The following NCKAP5 variants were observed in gnomAD, a reference collection of about 807,000 sequenced individuals.
The protein encoded by NCKAP5 is nck-associated protein 5.
Under a neutral mutation model 167.0 loss-of-function variants are expected in NCKAP5, and 92 were observed. That is an observed-to-expected ratio of 0.55 (90% CI 0.47 to 0.66). The LOEUF is 0.66. NCKAP5 is among the 30% of genes least tolerant of loss of function. The probability of loss-of-function intolerance (pLI) is 0.00; values close to 1 mark genes in which losing one functional copy is unlikely to be tolerated. For missense variants in NCKAP5, 2,378 were observed against 2,315.0 expected, an observed-to-expected ratio of 1.03 and a Z score of -0.56; for synonymous variants, 891 against 877.4, an observed-to-expected ratio of 1.02 and a Z score of -0.27.
chr2:133,654,996 T>C, the NCKAP5 span, among the ~76,000 whole-genome samples: 2 of 152,230 alleles, frequency 1.3e-5, no homozygotes, highest in African/African-American at 4.8e-5. Flanking sequence ...GCTTCAATTA[T>C]AGGCAAACAT....
At chr2:133,161,236 C>A (rs56029142) in intron 5 of NCKAP5, among the ~76,000 whole-genome samples, 1 of 151,980 alleles carries the variant, frequency 6.6e-6, no homozygotes, top group Non-Finnish European at 1.5e-5. Context: ...TTGTCTTCCA[C>A]GAAACTGGTC....
chr2:133,073,584 C>A (rs1040025922), intron 6 of NCKAP5, among the ~76,000 whole-genome samples: 12 of 152,178 alleles, frequency 7.9e-5, no homozygotes, highest in African/African-American at 2.9e-4. Context: ...AACTCATGTT[C>A]TAAGCCTAAC....
chr2:133,299,607 C>T (rs1574638844), intron 4 of NCKAP5, among the ~76,000 whole-genome samples: 1 of 152,170 alleles, frequency 6.6e-6, no homozygotes, highest in South Asian at 2.1e-4. Context: ...AAAAATTAGC[C>T]GAGTGTGGCG....
chr2:133,324,579 A>G (rs933443520), intron 3 of NCKAP5, among the ~76,000 whole-genome samples: 1 of 152,206 alleles, frequency 6.6e-6, no homozygotes, highest in East Asian at 1.9e-4. Flanking sequence ...AATTTCCTCT[A>G]AAGTTTTCAC....
At chr2:132,822,240 A>T (rs1443489942) in intron 11 of NCKAP5, among the ~76,000 whole-genome samples, 2 of 152,192 alleles carry the variant, frequency 1.3e-5, no homozygotes, top group Non-Finnish European at 2.9e-5. Context: ...TGCTAGCATA[A>T]CCAGTATTCA....
intron 3 of NCKAP5, among the ~76,000 whole-genome samples, chr2:133,415,108 T>A (rs1039641895): frequency 6.6e-5 from 10 of 152,220 alleles, no homozygotes; most frequent in African/African-American, 2.4e-4. Context: ...GTTACTCAGG[T>A]TAGCTCAACC....
intron 3 of NCKAP5, among the ~76,000 whole-genome samples, chr2:133,436,800 A>C (rs1050541907): frequency 1.9e-4 from 29 of 152,156 alleles, no homozygotes; most frequent in African/African-American, 7.0e-4. Context: ...CGTGTATGTT[A>C]ACATGGGTGC....
chr2:133,515,690 C>A (rs935254211), intron 3 of NCKAP5, among the ~76,000 whole-genome samples: 2 of 152,196 alleles, frequency 1.3e-5, no homozygotes, highest in South Asian at 2.1e-4. Context: ...TTTACTTATG[C>A]CCATTTTCAA....
At chr2:133,471,492 A>T (rs1203745107) in intron 3 of NCKAP5, among the ~76,000 whole-genome samples, 1 of 152,072 alleles carries the variant, frequency 6.6e-6, no homozygotes. Context: ...TGCTAGAGCC[A>T]TTGCTAGGTT....
intron 5 of NCKAP5, among the ~76,000 whole-genome samples, chr2:133,154,002 T>G (rs2083479119): frequency 6.6e-6 from 1 of 151,776 alleles, no homozygotes; most frequent in African/African-American, 2.4e-5. Context: ...CCACCACACC[T>G]GGCTAACTTT....
the NCKAP5 span, among the ~76,000 whole-genome samples, chr2:133,627,239 G>A: frequency 6.6e-6 from 1 of 151,980 alleles, no homozygotes; most frequent in Non-Finnish European, 1.5e-5. Flanking sequence ...AGGAAAATGG[G>A]TATAAAAATG....
At chr2:133,107,784 T>C (rs982659583) in intron 6 of NCKAP5, among the ~76,000 whole-genome samples, 2 of 152,256 alleles carry the variant, frequency 1.3e-5, no homozygotes, top group African/African-American at 4.8e-5. Context: ...TAAATGGTTT[T>C]GTTGGGAATC....
At chr2:132,992,251 T>C (rs1053964618) in intron 7 of NCKAP5, among the ~76,000 whole-genome samples, 2 of 152,202 alleles carry the variant, frequency 1.3e-5, no homozygotes, top group African/African-American at 4.8e-5. Context: ...CCAAAACGAA[T>C]AGACTGGGTT....
chr2:132,819,716 G>C (rs559905094), intron 11 of NCKAP5, among the ~76,000 whole-genome samples: 1 of 151,890 alleles, frequency 6.6e-6, no homozygotes, highest in South Asian at 2.1e-4. Context: ...AAAATTTAAA[G>C]AGGGAATGAG....
intron 3 of NCKAP5, among the ~76,000 whole-genome samples, chr2:133,382,366 C>T (rs184441764): frequency 6.6e-6 from 1 of 152,268 alleles, no homozygotes; most frequent in Admixed American, 6.5e-5. Flanking sequence ...CACACAGTAC[C>T]TAGAGTGACT....
chr2:132,959,511 T>C (rs1489769845), intron 8 of NCKAP5, among the ~76,000 whole-genome samples: 4 of 152,178 alleles, frequency 2.6e-5, no homozygotes, highest in Admixed American at 6.5e-5. Flanking sequence ...GCTTCACTTT[T>C]AGTCAGGTGT....
intron 17 of NCKAP5, among the ~76,000 whole-genome samples, 176 bp from the exon 18 acceptor site, chr2:132,729,128 A>G (rs1472822152): frequency 2.6e-5 from 4 of 152,204 alleles, no homozygotes; most frequent in African/African-American, 9.6e-5. Context: ...CATCTGCTTA[A>G]TTATGTATAC....
Position 132,868,933 on chromosome 2 carries a change from T to C in NCKAP5, c.687+3A>G. The C allele has an allele frequency of 6.5e-7, 1 of 1,545,416 alleles. No individual in the cohort carries two copies. Among genetic ancestry groups the C allele is most frequent in the Non-Finnish European group, 8.7e-7 (1 of 1,146,014 alleles). On this transcript the variant is annotated splice_donor_region_variant and intron_variant, in intron 10 of 19. Coordinates refer to ENST00000409261, the MANE Select transcript of NCKAP5 (RefSeq NM_207363.3). Reference sequence around the variant, plus strand: ...AAAAGAACAAAGTCAGAAAGTGACCTACCTTTTGAGTAAGCAGAGCTTGAA... The same window carrying C: ...AAAAGAACAAAGTCAGAAAGTGACCCACCTTTTGAGTAAGCAGAGCTTGAA...
intron 5 of NCKAP5, among the ~76,000 whole-genome samples, chr2:133,172,089 T>C (rs2084273232): frequency 6.6e-6 from 1 of 152,198 alleles, no homozygotes. Flanking sequence ...CTAGAAATAA[T>C]GACTTGAGCC....
Sources: allele counts gnomAD v4.1 joint callset (sites outside exome capture counted in the v4.1 genomes callset), GRCh38; gene constraint gnomAD v4.1.1; transcripts MANE v1.5; gene names NCBI Gene and HGNC (gene_info 2026-07-23, HGNC 2026-07-21).